Variants in TRPC1 observed in about 807,000 individuals in gnomAD.
TRPC1 encodes transient receptor potential cation channel subfamily C member 1, also known as short transient receptor potential channel 1.
In TRPC1, 42 loss-of-function variants were observed where a neutral mutation model predicts 88.2. The ratio of observed to expected loss-of-function variants is 0.48; its 90% CI spans 0.37 to 0.62. TRPC1 has a LOEUF of 0.62. Among genes scored for constraint, TRPC1 ranks in the 20% least tolerant of loss-of-function variants. The pLI is 0.00. For missense variants in TRPC1, 699 were observed against 957.3 expected (o/e 0.73, Z 3.56); for synonymous variants, 288 against 331.8 (o/e 0.87, Z 1.43).
intron 4 of TRPC1, among the ~76,000 whole-genome samples, chr3:142,754,483 G>A (rs148864916): frequency 2.0e-4 from 31 of 152,200 alleles, no homozygotes; most frequent in African/African-American, 7.5e-4. Flanking sequence ...GTATACATAT[G>A]TAACAAACCT....
chr3:142,798,248 G>A (rs895617959), intron 9 of TRPC1, among the ~76,000 whole-genome samples: 2 of 152,116 alleles, frequency 1.3e-5, no homozygotes, highest in Non-Finnish European at 2.9e-5. Context: ...CCAGGACTTG[G>A]TGTTAATTAA....
At chr3:142,727,395 T>C (rs898619983) in intron 1 of TRPC1, among the ~76,000 whole-genome samples, 2 of 152,224 alleles carry the variant, frequency 1.3e-5, no homozygotes, top group Non-Finnish European at 2.9e-5. Flanking sequence ...ATGTGTATGT[T>C]AGTGGATGGG....
chr3:142,800,671 C>A (rs1231109912), intron 9 of TRPC1, among the ~76,000 whole-genome samples: 1 of 152,070 alleles, frequency 6.6e-6, no homozygotes, highest in Admixed American at 6.6e-5. Flanking sequence ...AATCCCAACA[C>A]TTTGGGAAGC....
At chr3:142,769,577 G>A (rs1935506360) in intron 4 of TRPC1, among the ~76,000 whole-genome samples, 2 of 151,994 alleles carry the variant, frequency 1.3e-5, no homozygotes, top group South Asian at 2.1e-4. Context: ...GTTATATGTT[G>A]CGTCTTCATT....
chr3:142,763,983 T>TACACAC (rs57709436), intron 4 of TRPC1, among the ~76,000 whole-genome samples: 14 of 74,296 alleles, frequency 1.9e-4, no homozygotes, highest in Non-Finnish European at 3.2e-4. Context: ...TATATATATA[T>TACACAC]ACACATACAT....
chr3:142,772,196 T>C (rs1935600022), intron 4 of TRPC1, among the ~76,000 whole-genome samples: 1 of 152,210 alleles, frequency 6.6e-6, no homozygotes, highest in African/African-American at 2.4e-5. Context: ...ATGTGTTGGT[T>C]GTTTTTCAAG....
At chr3:142,760,438 A>T (rs181873511) in intron 4 of TRPC1, among the ~76,000 whole-genome samples, 27 of 152,202 alleles carry the variant, frequency 1.8e-4, no homozygotes, top group African/African-American at 6.5e-4. Flanking sequence ...CCATTGGTCT[A>T]TGTGTCTATA....
At chr3:142,739,088 C>T (rs778552486) in intron 2 of TRPC1, among the ~76,000 whole-genome samples, 3 of 152,146 alleles carry the variant, frequency 2.0e-5, no homozygotes, top group African/African-American at 7.2e-5. Context: ...TCTCCTGCCT[C>T]AGCCTCCCAA....
At chr3:142,756,905 C>T (rs1934990333) in intron 4 of TRPC1, among the ~76,000 whole-genome samples, 1 of 152,066 alleles carries the variant, frequency 6.6e-6, no homozygotes, top group Non-Finnish European at 1.5e-5. Flanking sequence ...TCTTTCCTGG[C>T]CTCTGGTAGC....
At chr3:142,726,686 T>C (rs1422039725) in intron 1 of TRPC1, among the ~76,000 whole-genome samples, 1 of 152,204 alleles carries the variant, frequency 6.6e-6, no homozygotes, top group Non-Finnish European at 1.5e-5. Flanking sequence ...TATAGGAATA[T>C]TCTTTTGATT....
intron 4 of TRPC1, among the ~76,000 whole-genome samples, chr3:142,769,544 G>A (rs1282360742): frequency 6.6e-6 from 1 of 151,910 alleles, no homozygotes; most frequent in Non-Finnish European, 1.5e-5. Context: ...TCTAAGCACT[G>A]CTTTAGCTGA....
At chr3:142,785,604 C>T (rs1936109358) in intron 7 of TRPC1, among the ~76,000 whole-genome samples, 1 of 152,120 alleles carries the variant, frequency 6.6e-6, no homozygotes, top group African/African-American at 2.4e-5. Context: ...CGGGTTCAAA[C>T]GATTCTCCTG....
At chr3:142,786,522 CCTT>C (rs1281779006) in intron 7 of TRPC1, among the ~76,000 whole-genome samples, 1 of 151,854 alleles carries the variant, frequency 6.6e-6, no homozygotes, top group Admixed American at 6.6e-5. Flanking sequence ...TTAAATAATT[CCTT>C]CTTGTTAATA....
Position 142,806,318 on chromosome 3 carries a change from G to T in TRPC1, c.*83G>T, listed in dbSNP as rs1226892425. The T allele has an allele frequency of 1.0e-5, 10 of 993,294 alleles. No homozygotes were observed. Among genetic ancestry groups the T allele is most frequent in the South Asian group, 3.6e-5 (2 of 55,004 alleles). The allele number at this position is 993,294 out of a possible 1,614,324, so 61.5% of individuals were successfully genotyped here. The stretch of plus-strand genomic sequence containing the variant: ...GCATAACTTGCAATGAAATTAATGA[G>T]ATATATATTGAAATAAAGAATTATG... On this transcript the variant is annotated 3_prime_UTR_variant, in exon 13 of 13. Transcript: ENST00000476941.
intron 4 of TRPC1, among the ~76,000 whole-genome samples, chr3:142,763,154 A>T (rs1935244097): frequency 1.3e-5 from 2 of 152,078 alleles, no homozygotes; most frequent in Non-Finnish European, 2.9e-5. Context: ...CAATAGGGTG[A>T]AATGTTCTAT....
chr3:142,802,941 G>A lies in TRPC1; in HGVS notation c.1757+597G>A, dbSNP rs542309086. Among the ~76,000 whole-genome samples, 8 of 152,256 alleles carry A rather than the reference G, an allele frequency of 5.3e-5. No homozygotes were observed. The South Asian group carries it at 1.7e-3, about 32-fold the overall frequency. On this transcript the variant is annotated intron_variant, in intron 10 of 12. Transcript: ENST00000476941. Reference sequence around the variant, plus strand: ...GTGTCAACTATTCTTTAGTTATTTTGTGTGTCATCTTATGTAAAGAATAAG... The same window carrying A: ...GTGTCAACTATTCTTTAGTTATTTTATGTGTCATCTTATGTAAAGAATAAG...
chr3:142,772,182 C>T (rs1375701136), intron 4 of TRPC1, among the ~76,000 whole-genome samples: 1 of 151,868 alleles, frequency 6.6e-6, no homozygotes, highest in Non-Finnish European at 1.5e-5. Context: ...TTTTAGCTTC[C>T]TGGATGTGTT....
At chr3:142,803,863 G>C (rs1307299165) in intron 10 of TRPC1, 114 bp from the exon 11 acceptor site, 3 of 1,088,884 alleles carry the variant, frequency 2.8e-6, no homozygotes, top group Non-Finnish European at 2.6e-6. Context: ...TTTAAATAAG[G>C]AACTTTTCAT....
At chr3:142,770,611 T>A (rs1487716004) in intron 4 of TRPC1, among the ~76,000 whole-genome samples, 2 of 152,222 alleles carry the variant, frequency 1.3e-5, no homozygotes, top group Admixed American at 6.5e-5. Flanking sequence ...ATTGAATTTT[T>A]AAAAAATCTA....
Sources: gnomAD v4.1 joint callset for allele counts (sites outside exome capture counted in the v4.1 genomes callset) on GRCh38, gnomAD v4.1.1 for gene constraint, MANE v1.5 for transcripts, NCBI Gene and HGNC (gene_info 2026-07-23, HGNC 2026-07-21) for gene names.